The following PLXNA4 variants were observed in gnomAD, a reference collection of about 807,000 sequenced individuals.
The protein encoded by PLXNA4 is plexin A4.
In PLXNA4, 44 loss-of-function variants were observed where a neutral mutation model predicts 191.8. The ratio of observed to expected loss-of-function variants is 0.23; its 90% CI spans 0.18 to 0.29. The LOEUF is 0.29. PLXNA4 is among the 10% of genes least tolerant of loss of function. The pLI, the probability that PLXNA4 is intolerant of heterozygous loss-of-function variation, is 1.00. For synonymous variants in PLXNA4, 1,082 were observed against 1,009.5 expected (o/e 1.07, Z -1.36); for missense variants, 1,800 against 2,488.8 (o/e 0.72, Z 5.89).
intron 2 of PLXNA4, among the ~76,000 whole-genome samples, chr7:132,643,253 C>T (rs2116893361): frequency 6.6e-6 from 1 of 152,266 alleles, no homozygotes; most frequent in South Asian, 2.1e-4. Flanking sequence ...TATTGTTTTT[C>T]TGCTGTTTCA....
chr7:132,383,797 A>C, intron 3 of PLXNA4: 2 of 985,422 alleles, frequency 2.0e-6, no homozygotes, highest in Non-Finnish European at 2.4e-6. Flanking sequence ...AAAGGATTTG[A>C]CTATTTTCAA....
At chr7:132,635,829 A>C (rs1270177089) in intron 2 of PLXNA4, among the ~76,000 whole-genome samples, 2 of 152,224 alleles carry the variant, frequency 1.3e-5, no homozygotes, top group African/African-American at 4.8e-5. Context: ...CAGCATCAGG[A>C]AGTTCCACGT....
intron 2 of PLXNA4, among the ~76,000 whole-genome samples, chr7:132,623,122 A>G (rs1803302381): frequency 6.6e-6 from 1 of 152,082 alleles, no homozygotes; most frequent in South Asian, 2.1e-4. Flanking sequence ...AGGCGGGTGG[A>G]TCACCTGAGG....
At chr7:132,457,546 C>G (rs192585906) in intron 3 of PLXNA4, among the ~76,000 whole-genome samples, 10 of 152,276 alleles carry the variant, frequency 6.6e-5, no homozygotes, top group Admixed American at 5.2e-4. Context: ...GAGAAAATAC[C>G]TCCCTGTGTG....
At chr7:132,191,574 A>G (rs1207094631) in intron 14 of PLXNA4, among the ~76,000 whole-genome samples, 2 of 152,268 alleles carry the variant, frequency 1.3e-5, no homozygotes, top group East Asian at 1.9e-4. Context: ...AGCCCTGTCC[A>G]CTTTATCATT....
Position 132,357,362 on chromosome 7 carries a change from C to T in PLXNA4, c.1372-59140G>A, listed in dbSNP as rs564432818. Reference sequence around the variant, plus strand: ...TTGCATCCTTCTTGCCTTCCTAATCCGCCTCAGCAAAGGGCTTCTTGCACG... The same window carrying T: ...TTGCATCCTTCTTGCCTTCCTAATCTGCCTCAGCAAAGGGCTTCTTGCACG... On this transcript the variant is annotated intron_variant, in intron 3 of 31. Transcript: ENST00000321063. Among the ~76,000 whole-genome samples, 8 of 152,278 alleles carry T rather than the reference C, an allele frequency of 5.3e-5. No homozygotes were observed. In the East Asian group the frequency reaches 7.7e-4, roughly 15 times the overall value.
At chr7:132,330,776 C>A (rs1015450480) in intron 3 of PLXNA4, among the ~76,000 whole-genome samples, 1 of 152,172 alleles carries the variant, frequency 6.6e-6, no homozygotes, top group African/African-American at 2.4e-5. Context: ...CACCACTGAC[C>A]CTGGCAGCCA....
At position 132,202,691 on chromosome 7, in the gene PLXNA4, C is replaced by A; in HGVS notation, c.2541G>T (p.Glu847Asp). ...HCPAQESQWL[E>D]LSGAKSKCTN... is the part of the protein sequence containing the mutation. Reference sequence around the variant, plus strand: ...TGCACTTGCTTTTGGCACCAGACAGCTCCAGCCACTGGCTCTCCTGGGCAG... The same window carrying A: ...TGCACTTGCTTTTGGCACCAGACAGATCCAGCCACTGGCTCTCCTGGGCAG... The change falls in exon 12 of 32, where the codon GAG becomes GAT. Residue 847 changes from glutamate (E) to aspartate (D), a missense_variant. Around this residue, in one of 6 missense-constraint regions of PLXNA4, gnomAD observed 1,397 missense variants for 1,880.4 expected, o/e 0.74. Transcript: ENST00000321063. The A allele has an allele frequency of 6.3e-7, 1 of 1,581,320 alleles. No homozygotes were observed. The highest frequency in any genetic ancestry group is 8.6e-7 in the Non-Finnish European group (1 of 1,163,088).
At chr7:132,577,686 A>C (rs766566080), upstream of PLXNA4, among the ~76,000 whole-genome samples, 2 of 152,096 alleles carry the variant, frequency 1.3e-5, no homozygotes, top group African/African-American at 4.8e-5. Flanking sequence ...AGGGGCATAC[A>C]TGGGTGACCG....
At chr7:132,376,889 T>C (rs2116923621) in intron 3 of PLXNA4, among the ~76,000 whole-genome samples, 1 of 152,312 alleles carries the variant, frequency 6.6e-6, no homozygotes, top group South Asian at 2.1e-4. Context: ...CCAGGCAGGG[T>C]TAATCCTCTC....
At chr7:132,476,876 G>C (rs953063269) in intron 3 of PLXNA4, among the ~76,000 whole-genome samples, 2 of 152,110 alleles carry the variant, frequency 1.3e-5, no homozygotes, top group African/African-American at 2.4e-5. Flanking sequence ...AACTAATTTT[G>C]GGGAGATACA....
At chr7:132,425,531 A>G (rs1055088972) in intron 3 of PLXNA4, among the ~76,000 whole-genome samples, 1 of 151,728 alleles carries the variant, frequency 6.6e-6, no homozygotes, top group East Asian at 1.9e-4. Context: ...ACCCTCCCTC[A>G]TCAGATCCCC....
rs1421894595 is a variant in PLXNA4 at position 132,148,883 on chromosome 7, C to T, written c.4661-237G>A. Among the ~76,000 whole-genome samples, 6 of 152,182 alleles carry T rather than the reference C, an allele frequency of 3.9e-5. 1 individual carries two copies. The South Asian group carries it at 1.2e-3, about 32-fold the overall frequency. On this transcript the variant is annotated intron_variant, in intron 25 of 31. Coordinates refer to ENST00000321063, the MANE Select transcript of PLXNA4 (RefSeq NM_020911.2). ...CCAAAATGGGGCTAACATCACTTAT[C>T]CACCCTTGCCCATCTGCTTGCTGTG...
At chr7:132,143,523 G>T (rs10258063) in intron 29 of PLXNA4, among the ~76,000 whole-genome samples, 1 of 152,046 alleles carries the variant, frequency 6.6e-6, no homozygotes, top group East Asian at 1.9e-4. Flanking sequence ...AGCTAGGACC[G>T]AGAGAAGTTC....
intron 25 of PLXNA4, among the ~76,000 whole-genome samples, chr7:132,150,089 C>A (rs1172483033): frequency 6.6e-6 from 1 of 152,206 alleles, no homozygotes; most frequent in Non-Finnish European, 1.5e-5. Context: ...ATAGGGACTA[C>A]ATGCTTGTTC....
intron 1 of PLXNA4, among the ~76,000 whole-genome samples, chr7:132,522,730 C>T (rs1382702983): frequency 2.0e-5 from 3 of 152,204 alleles, no homozygotes; most frequent in Non-Finnish European, 4.4e-5. Context: ...TGAGATTGTG[C>T]CACTGCACTC....
chr7:132,625,364 AC>A (rs1165325832), intron 2 of PLXNA4, among the ~76,000 whole-genome samples: 2 of 152,136 alleles, frequency 1.3e-5, no homozygotes, highest in African/African-American at 4.8e-5. Context: ...AAATGCAACA[AC>A]TACCTCCCTA....
intron 17 of PLXNA4, 150 bp from the exon 18 acceptor site, chr7:132,181,770 C>A: frequency 7.1e-7 from 1 of 1,412,798 alleles, no homozygotes; most frequent in Non-Finnish European, 9.3e-7. Flanking sequence ...ATTGGGCACT[C>A]AAGGAATAGG....
chr7:132,255,630 T>A (rs2116190825), intron 4 of PLXNA4, among the ~76,000 whole-genome samples: 1 of 152,350 alleles, frequency 6.6e-6, no homozygotes, highest in Non-Finnish European at 1.5e-5. Flanking sequence ...TGAAGAGAAC[T>A]TGTGATGGGA....
Sources: allele counts gnomAD v4.1 joint callset (sites outside exome capture counted in the v4.1 genomes callset), GRCh38; gene constraint gnomAD v4.1.1; regional missense constraint gnomAD v4.1.1; transcripts MANE v1.5; gene names NCBI Gene and HGNC (gene_info 2026-07-23, HGNC 2026-07-21).